Variants in EXOC6 observed in about 807,000 individuals in gnomAD.
EXOC6 encodes exocyst complex component 6, also known as SEC15-like 1.
EXOC6 carries 60 observed loss-of-function variants against 112.5 expected under a neutral mutation model. That is an observed-to-expected ratio of 0.53 (90% CI 0.43 to 0.66). EXOC6 has a LOEUF of 0.66. Ranked by LOEUF, EXOC6 falls within the 30% of genes least tolerant of loss-of-function variation. The pLI is 0.00. For missense variants in EXOC6, 855 were observed against 957.1 expected (o/e 0.89, Z 1.41); for synonymous variants, 295 against 308.0 (o/e 0.96, Z 0.44).
chr10:93,050,497 C>T (rs1036834940), intron 20 of EXOC6, among the ~76,000 whole-genome samples: 3 of 151,560 alleles, frequency 2.0e-5, no homozygotes, highest in Non-Finnish European at 2.9e-5. Flanking sequence ...CGGTGGCTCA[C>T]GCCTGTAATC....
rs147113843 is a variant in EXOC6, at chr10:92,848,633, C to A, written c.100C>A (p.Arg34=). ...TDTACVGPTL[R]SVYDDQPNAH... ...CACCGCCTGTGTGGGGCCCACCCTC[C>A]GGTAAAGATCTCATCCCACCGGGAC... is the stretch of plus-strand genomic sequence containing the variant. Residue 34 remains arginine, a splice_region_variant and synonymous_variant, in exon 1 of 22, where the codon CGG becomes AGG. Transcript: ENST00000260762. The A allele has an allele frequency of 3.7e-5, 52 of 1,412,588 alleles. No individual in the cohort carries two copies. In the African/African-American group the frequency reaches 7.7e-4, roughly 21 times the overall value. 87.5% of individuals were successfully genotyped at this position (1,412,588 alleles called of 1,614,324 possible).
intron 19 of EXOC6, chr10:92,999,131 C>G: frequency 2.9e-6 from 1 of 350,132 alleles, no homozygotes; most frequent in South Asian, 2.2e-5. Context: ...CTCAGCCTCC[C>G]AAAGTGCTGG....
At chr10:92,888,478 A>G (rs957669154) in intron 1 of EXOC6, among the ~76,000 whole-genome samples, 2 of 152,148 alleles carry the variant, frequency 1.3e-5, no homozygotes, top group African/African-American at 4.8e-5. Context: ...TTATGTTATT[A>G]CTCTTCTTCA....
chr10:92,865,914 A>G (rs1311432243), intron 1 of EXOC6, among the ~76,000 whole-genome samples: 1 of 152,148 alleles, frequency 6.6e-6, no homozygotes, highest in Non-Finnish European at 1.5e-5. Context: ...CTATATTAAT[A>G]TCCACTAAGT....
At chr10:92,988,154 G>A (rs1589982490) in intron 18 of EXOC6, among the ~76,000 whole-genome samples, 1 of 152,250 alleles carries the variant, frequency 6.6e-6, no homozygotes, top group East Asian at 1.9e-4. Context: ...ATGACCCAGT[G>A]TGATTCATGA....
intron 20 of EXOC6, among the ~76,000 whole-genome samples, chr10:93,054,351 CAATT>C (rs1181336755): frequency 2.0e-5 from 3 of 152,136 alleles, no homozygotes; most frequent in African/African-American, 7.2e-5. Flanking sequence ...TCTGCTTTGG[CAATT>C]AATTCCTTAA....
chr10:93,058,021 A>G (rs369299811), intron 21 of EXOC6, among the ~76,000 whole-genome samples: 20 of 152,306 alleles, frequency 1.3e-4, no homozygotes, highest in African/African-American at 4.8e-4. Context: ...ATACCACTTA[A>G]CATAGAATGT....
chr10:92,869,114 A>T (rs1363353721), intron 1 of EXOC6, among the ~76,000 whole-genome samples: 1 of 152,080 alleles, frequency 6.6e-6, no homozygotes, highest in Non-Finnish European at 1.5e-5. Flanking sequence ...ATCTATGAAG[A>T]TGGTCATACG....
intron 19 of EXOC6, among the ~76,000 whole-genome samples, chr10:93,007,912 C>T (rs1036495848): frequency 3.3e-5 from 5 of 151,982 alleles, no homozygotes; most frequent in East Asian, 3.9e-4. Context: ...CGGTGGCTCA[C>T]GCCTGTAATT....
At chr10:92,865,236 C>A (rs918324051) in intron 1 of EXOC6, among the ~76,000 whole-genome samples, 10 of 151,968 alleles carry the variant, frequency 6.6e-5, no homozygotes, top group East Asian at 1.9e-4. Context: ...TCATTGCAGT[C>A]AAAAATATGA....
At chr10:92,925,638 C>G (rs1183658663) in intron 8 of EXOC6, among the ~76,000 whole-genome samples, 1 of 151,778 alleles carries the variant, frequency 6.6e-6, no homozygotes, top group Non-Finnish European at 1.5e-5. Context: ...CAGTGGTTTT[C>G]ATGATGTAAT....
At position 92,986,349 on chromosome 10, in the gene EXOC6, G is replaced by A. The variant is rs564374955; in HGVS notation, c.1954-11125G>A. Among the ~76,000 whole-genome samples, 8 of 152,036 alleles carry A rather than the reference G, an allele frequency of 5.3e-5. No individual in the cohort carries two copies. The South Asian group carries it at 6.2e-4, about 12-fold the overall frequency. On this transcript the variant is annotated intron_variant, in intron 18 of 21. Transcript: ENST00000260762. ...TTACTAATGCAAATAAAATTTATTC[G>A]AAGTTAATCTAGAAAAAAGTTAGTG...
chr10:93,020,234 T>TA (rs1425716647), intron 20 of EXOC6, among the ~76,000 whole-genome samples: 1 of 152,212 alleles, frequency 6.6e-6, no homozygotes, highest in East Asian at 1.9e-4. Flanking sequence ...TTTTCTCACT[T>TA]AAAATCACTA....
upstream of EXOC6, among the ~76,000 whole-genome samples, chr10:92,845,435 C>T (rs1847010873): frequency 6.6e-6 from 1 of 151,674 alleles, no homozygotes; most frequent in Non-Finnish European, 1.5e-5. Context: ...TACCTGTAAT[C>T]CCAGCTACTC....
chr10:93,024,675 C>T (rs543975686), intron 20 of EXOC6, among the ~76,000 whole-genome samples: 1 of 152,160 alleles, frequency 6.6e-6, no homozygotes, highest in Non-Finnish European at 1.5e-5. Flanking sequence ...AGCTAGGCCT[C>T]CCAAAGTCCT....
intron 20 of EXOC6, among the ~76,000 whole-genome samples, chr10:93,022,550 A>C (rs1564917972): frequency 6.6e-6 from 1 of 152,308 alleles, no homozygotes; most frequent in East Asian, 1.9e-4. Flanking sequence ...AAGAATATGC[A>C]ACTAATTCCT....
At chr10:93,052,621 G>A (rs1846352699) in intron 20 of EXOC6, among the ~76,000 whole-genome samples, 1 of 152,180 alleles carries the variant, frequency 6.6e-6, no homozygotes. Context: ...TACAAATCAT[G>A]ATGAGGTAGA....
chr10:92,833,218 T>C (rs111913118), upstream of EXOC6, among the ~76,000 whole-genome samples: 3 of 152,136 alleles, frequency 2.0e-5, no homozygotes, highest in African/African-American at 4.8e-5. Flanking sequence ...TGTGGTTCAG[T>C]TGGGGCTTGG....
chr10:93,058,627 G>T lies in EXOC6; in HGVS notation c.*272G>T. Reference sequence around the variant, plus strand: ...ACATAAATTGTCACAAATTATACATGAAATTGATTACAAATACATTTGAAA... The same window carrying T: ...ACATAAATTGTCACAAATTATACATTAAATTGATTACAAATACATTTGAAA... On this transcript the variant is annotated 3_prime_UTR_variant, in exon 22 of 22. Transcript: ENST00000260762. 1 of 255,054 alleles carries T rather than the reference G, an allele frequency of 3.9e-6. No individual in the cohort carries two copies. Among genetic ancestry groups the T allele is most frequent in the East Asian group, 8.3e-5 (1 of 12,098 alleles). 15.8% of individuals were successfully genotyped at this position (255,054 alleles called of 1,614,324 possible). A position where few individuals can be genotyped will look rare whatever the true frequency, so the allele number is the denominator to read the frequency against.
Sources: gnomAD v4.1 joint callset for allele counts (sites outside exome capture counted in the v4.1 genomes callset) on GRCh38, gnomAD v4.1.1 for gene constraint, MANE v1.5 for transcripts, NCBI Gene and HGNC (gene_info 2026-07-23, HGNC 2026-07-21) for gene names.